The following SPPL2A variants were observed in gnomAD, a reference collection of about 807,000 sequenced individuals.
SPPL2A encodes signal peptide peptidase like 2A.
SPPL2A carries 51 observed loss-of-function variants against 63.8 expected under a neutral mutation model. That is an observed-to-expected ratio of 0.80 (90% CI 0.64 to 1.01). SPPL2A has a LOEUF of 1.01. Ranked by LOEUF, SPPL2A falls within the 50% of genes least tolerant of loss-of-function variation. The pLI is 0.00. For missense variants in SPPL2A, 553 were observed against 622.7 expected (o/e 0.89, Z 1.19); for synonymous variants, 188 against 205.8 (o/e 0.91, Z 0.74).
chr15:50,765,567 G>A lies in SPPL2A; in HGVS notation c.-34C>T. On this transcript the variant is annotated 5_prime_UTR_variant, in exon 1 of 15. Coordinates refer to ENST00000261854, the MANE Select transcript of SPPL2A (RefSeq NM_032802.4). Reference sequence around the variant, plus strand: ...TGGGTGCCGGGTGGGACGGCACGGTGCGGCGCAGCTCACTCGGCGGGGTAG... The same window carrying A: ...TGGGTGCCGGGTGGGACGGCACGGTACGGCGCAGCTCACTCGGCGGGGTAG... 1 of 1,388,838 alleles carries A rather than the reference G, an allele frequency of 7.2e-7. No homozygotes were observed. The allele number at this position is 1,388,838 out of a possible 1,614,324, so 86.0% of individuals were successfully genotyped here.
chr15:50,731,934 A>AT (rs968391753), intron 9 of SPPL2A, among the ~76,000 whole-genome samples: 6 of 126,828 alleles, frequency 4.7e-5, no homozygotes, highest in African/African-American at 1.7e-4. Flanking sequence ...TCTCAAAAAA[A>AT]AAAAAAAAAC....
intron 1 of SPPL2A, 148 bp downstream of exon 1, chr15:50,765,320 G>C: frequency 7.5e-6 from 4 of 530,408 alleles, no homozygotes; most frequent in Non-Finnish European, 1.3e-5. Context: ...GTAATGGAAA[G>C]AGGAGGGGAG....
At chr15:50,736,292 G>T in intron 7 of SPPL2A, 90 bp from the exon 8 acceptor site, 1 of 746,734 alleles carries the variant, frequency 1.3e-6, no homozygotes, top group Non-Finnish European at 2.3e-6. Context: ...ACAGTCATAA[G>T]AAGTGACTGA....
intron 6 of SPPL2A, 80 bp downstream of exon 6, chr15:50,739,600 T>G (rs1327941647): frequency 1.9e-5 from 21 of 1,078,594 alleles, no homozygotes; most frequent in South Asian, 2.2e-5. Flanking sequence ...TAGAATGGCT[T>G]AAAGGAAAAG....
chr15:50,728,503 C>T (rs1234661320), intron 10 of SPPL2A, among the ~76,000 whole-genome samples: 1 of 151,736 alleles, frequency 6.6e-6, no homozygotes, highest in Admixed American at 6.6e-5. Flanking sequence ...GCCACCATGC[C>T]CGGCTAATTT....
At chr15:50,741,557 C>T (rs1200542016) in intron 5 of SPPL2A, among the ~76,000 whole-genome samples, 2 of 151,918 alleles carry the variant, frequency 1.3e-5, no homozygotes, top group African/African-American at 2.4e-5. Context: ...CAATTTTTGT[C>T]ATAGTATACA....
chr15:50,750,965 C>T (rs753650014), intron 1 of SPPL2A, among the ~76,000 whole-genome samples: 1 of 152,164 alleles, frequency 6.6e-6, no homozygotes, highest in Non-Finnish European at 1.5e-5. Flanking sequence ...ATCTAGAAAA[C>T]TGGTAGTTTC....
At chr15:50,758,385 T>C (rs1445973340) in intron 1 of SPPL2A, among the ~76,000 whole-genome samples, 1 of 150,678 alleles carries the variant, frequency 6.6e-6, no homozygotes, top group East Asian at 2.0e-4. Flanking sequence ...CAGGCTAGAG[T>C]GCAGTGGCGT....
At position 50,749,757 on chromosome 15, in the gene SPPL2A, A is replaced by C; in HGVS notation, c.67-11T>G. On this transcript the variant is annotated splice_polypyrimidine_tract_variant and intron_variant, in intron 1 of 14. Coordinates refer to ENST00000261854, the MANE Select transcript of SPPL2A (RefSeq NM_032802.4). Reference sequence around the variant, plus strand: ...TTCCTGAGCGGCTGTCTAGGAGACAAACAATAACTTTCAAACTTGCAATGT... The same window carrying C: ...TTCCTGAGCGGCTGTCTAGGAGACACACAATAACTTTCAAACTTGCAATGT... The C allele has an allele frequency of 6.4e-7, 1 of 1,563,760 alleles. No individual in the cohort carries two copies. Among genetic ancestry groups the C allele is most frequent in the Non-Finnish European group, 8.8e-7 (1 of 1,134,182 alleles).
intron 5 of SPPL2A, among the ~76,000 whole-genome samples, chr15:50,745,694 G>A (rs1324877859): frequency 6.6e-6 from 1 of 152,040 alleles, no homozygotes; most frequent in Non-Finnish European, 1.5e-5. Flanking sequence ...GGGGCTAGAG[G>A]TGTGTGCTAA....
Position 50,748,678 on chromosome 15 carries a change from T to C in SPPL2A, c.360+10A>G. 6.6e-7 allele frequency: 1 copy of C among 1,517,408 alleles called. No individual in the cohort carries two copies. The highest frequency in any genetic ancestry group is 8.9e-7 in the Non-Finnish European group (1 of 1,127,322). The allele number at this position is 1,517,408 out of a possible 1,614,324, so 94.0% of individuals were successfully genotyped here. A position where few individuals can be genotyped will look rare whatever the true frequency, so the allele number is the denominator to read the frequency against. On this transcript the variant is annotated intron_variant, in intron 3 of 14. Coordinates refer to ENST00000261854, the MANE Select transcript of SPPL2A (RefSeq NM_032802.4). The stretch of plus-strand genomic sequence containing the variant: ...ACTCAAAATAAGATATGATTGTTTT[T>C]ATAACTTACTAGGACACTGTTATTG...
At chr15:50,723,488 T>C (rs571449689) in intron 12 of SPPL2A, among the ~76,000 whole-genome samples, 1 of 152,086 alleles carries the variant, frequency 6.6e-6, no homozygotes, top group South Asian at 2.1e-4. Flanking sequence ...TTTTTTTTGT[T>C]TTTTTTTGAG....
At position 50,748,204 on chromosome 15, in the gene SPPL2A, T is replaced by C; in HGVS notation, c.361-2A>G. The C allele has an allele frequency of 7.3e-7, 1 of 1,368,326 alleles. No individual in the cohort carries two copies. The highest frequency in any genetic ancestry group is 9.8e-7 in the Non-Finnish European group (1 of 1,017,256). The allele number at this position is 1,368,326 out of a possible 1,614,324, so 84.8% of individuals were successfully genotyped here. ...AGATCTGTTACCTGAGGGAGGAAAC[T>C]AAAAAAGAAAAAATTATGAAAACTT... On this transcript the variant is annotated splice_acceptor_variant, in intron 3 of 14. Coordinates refer to ENST00000261854, the MANE Select transcript of SPPL2A (RefSeq NM_032802.4). LOFTEE classifies it high-confidence loss of function.
rs995835357 is a variant in SPPL2A at position 50,705,517 on chromosome 15, C to T, written c.*2283G>A. 3.9e-5 allele frequency: 6 copies of T among 151,934 alleles called. No homozygotes were observed. The highest frequency in any genetic ancestry group is 1.5e-4 in the African/African-American group (6 of 41,372). 9.4% of individuals were successfully genotyped at this position (151,934 alleles called of 1,614,324 possible). On this transcript the variant is annotated 3_prime_UTR_variant, in exon 15 of 15. Coordinates refer to ENST00000261854, the MANE Select transcript of SPPL2A (RefSeq NM_032802.4). ...TATTTTATTATTATAAATGAAAATA[C>T]AGAGTTTTAAAACGGCACTTAATCT...
intron 4 of SPPL2A, 130 bp from the exon 5 acceptor site, chr15:50,747,758 T>TC (rs2141051194): frequency 1.5e-6 from 1 of 667,192 alleles, no homozygotes; most frequent in East Asian, 2.7e-5. Context: ...AGAATTATTG[T>TC]CTGATGACAT....
intron 3 of SPPL2A, 93 bp downstream of exon 3, chr15:50,748,595 A>G: frequency 2.5e-6 from 2 of 788,110 alleles, no homozygotes; most frequent in Non-Finnish European, 4.0e-6. Context: ...TTCAAAACTC[A>G]GCCTCTAAAC....
intron 12 of SPPL2A, among the ~76,000 whole-genome samples, chr15:50,724,502 T>C (rs923193071): frequency 6.7e-6 from 1 of 150,006 alleles, no homozygotes; most frequent in African/African-American, 2.5e-5. Flanking sequence ...GGCGTGAACC[T>C]GGGAAGCGGA....
intron 10 of SPPL2A, among the ~76,000 whole-genome samples, chr15:50,729,229 AG>A (rs1180234090): frequency 3.1e-4 from 47 of 152,364 alleles, no homozygotes; most frequent in Middle Eastern, 3.4e-3. Flanking sequence ...TTGGGATTAT[AG>A]GCATTAGCCA....
intron 14 of SPPL2A, among the ~76,000 whole-genome samples, chr15:50,716,052 T>TA (rs1469550707): frequency 6.6e-6 from 1 of 152,188 alleles, no homozygotes; most frequent in African/African-American, 2.4e-5. Flanking sequence ...TTCACTCGTC[T>TA]ATCCATTTAT....
Sources: allele counts gnomAD v4.1 joint callset (sites outside exome capture counted in the v4.1 genomes callset), GRCh38; gene constraint gnomAD v4.1.1; transcripts MANE v1.5; gene names NCBI Gene and HGNC (gene_info 2026-07-23, HGNC 2026-07-21).